Variants in AFAP1L2 observed in about 807,000 individuals in gnomAD.
AFAP1L2 encodes actin filament-associated protein 1-like 2.
AFAP1L2 carries 46 observed loss-of-function variants against 99.3 expected under a neutral mutation model. That is an observed-to-expected ratio of 0.46 (90% CI 0.37 to 0.59). The LOEUF (loss-of-function observed/expected upper bound fraction) is 0.59, where lower values mean the gene tolerates loss of function less well. Ranked by LOEUF, AFAP1L2 falls within the 20% of genes least tolerant of loss-of-function variation. The probability of loss-of-function intolerance (pLI) is 0.00; values close to 1 mark genes in which losing one functional copy is unlikely to be tolerated. For synonymous variants in AFAP1L2, 397 were observed against 419.1 expected (o/e 0.95, Z 0.64); for missense variants, 959 against 1,034.9 (o/e 0.93, Z 1.01).
At chr10:114,320,816 G>A (rs530792231) in intron 5 of AFAP1L2, among the ~76,000 whole-genome samples, 3 of 152,244 alleles carry the variant, frequency 2.0e-5, no homozygotes, top group Non-Finnish European at 4.4e-5. Context: ...ACACCTGGGA[G>A]CAGGGAAGTG....
At chr10:114,382,269 C>T (rs527914511) in intron 1 of AFAP1L2, among the ~76,000 whole-genome samples, 11 of 7,708 alleles carry the variant, frequency 1.4e-3, no homozygotes, top group African/African-American at 1.8e-3. Context: ...AATGTAAATG[C>T]CCAGTGATTT....
chr10:114,282,126 C>T, the AFAP1L2 span, among the ~76,000 whole-genome samples: 1 of 150,446 alleles, frequency 6.6e-6, no homozygotes, highest in East Asian at 2.0e-4. Context: ...TCTGCCTCAG[C>T]CTGCTAAGCT....
At chr10:114,304,619 T>C in intron 11 of AFAP1L2, 100 bp downstream of exon 11, 1 of 1,164,412 alleles carries the variant, frequency 8.6e-7, no homozygotes, top group Non-Finnish European at 1.2e-6. Flanking sequence ...GCGGGGACAT[T>C]GATTCTCCCT....
intron 11 of AFAP1L2, among the ~76,000 whole-genome samples, chr10:114,304,338 A>AT (rs2134139818): frequency 6.6e-6 from 1 of 152,156 alleles, no homozygotes; most frequent in South Asian, 2.1e-4. Context: ...CACAAAGCGA[A>AT]TTTTTTCCCC....
chr10:114,404,960 G>A (rs2058580537), upstream of AFAP1L2, among the ~76,000 whole-genome samples: 1 of 152,184 alleles, frequency 6.6e-6, no homozygotes, highest in Non-Finnish European at 1.5e-5. Flanking sequence ...CCTCGCGCTT[G>A]GCTCCCGAGC....
intron 1 of AFAP1L2, among the ~76,000 whole-genome samples, chr10:114,361,113 AC>A (rs2052342847): frequency 6.6e-6 from 1 of 152,110 alleles, no homozygotes; most frequent in African/African-American, 2.4e-5. Context: ...TTATAATTAA[AC>A]CATCAAATCT....
At chr10:114,333,896 T>C (rs776515790) in intron 2 of AFAP1L2, among the ~76,000 whole-genome samples, 60 of 152,302 alleles carry the variant, frequency 3.9e-4, no homozygotes, top group Non-Finnish European at 8.2e-4. Context: ...CTGGGCTTCC[T>C]AGCATTTCAT....
At chr10:114,330,957 G>A (rs1393655612) in intron 4 of AFAP1L2, among the ~76,000 whole-genome samples, 1 of 152,150 alleles carries the variant, frequency 6.6e-6, no homozygotes, top group African/African-American at 2.4e-5. Context: ...AGCCAGGTCA[G>A]CAGGAGTCTC....
intron 11 of AFAP1L2, among the ~76,000 whole-genome samples, chr10:114,303,603 G>A (rs990042003): frequency 5.9e-5 from 9 of 152,308 alleles, no homozygotes; most frequent in East Asian, 1.9e-4. Context: ...CATCATGCCC[G>A]GCCCCCACTT....
At chr10:114,326,183 C>A in intron 4 of AFAP1L2, 1 of 517,534 alleles carries the variant, frequency 1.9e-6, no homozygotes, top group Non-Finnish European at 2.9e-6. Context: ...GTCTCCTAAG[C>A]TTCTGTTGAG....
intron 1 of AFAP1L2, among the ~76,000 whole-genome samples, chr10:114,371,737 C>A (rs2137019141): frequency 6.6e-6 from 1 of 151,904 alleles, no homozygotes; most frequent in Non-Finnish European, 1.5e-5. Context: ...TGCAGCAAAC[C>A]ACCATGGCAC....
chr10:114,341,767 G>A (rs924776896), intron 1 of AFAP1L2, among the ~76,000 whole-genome samples: 2 of 152,044 alleles, frequency 1.3e-5, no homozygotes, highest in Admixed American at 6.6e-5. Context: ...TCCTTCTCTG[G>A]TCTTCACACA....
At chr10:114,304,967 CTGCAGGAGGGGACGCAGA>C (rs1420798704) in intron 10 of AFAP1L2, 37 bp from the exon 11 acceptor site, 5 of 1,384,822 alleles carry the variant, frequency 3.6e-6, no homozygotes, top group Non-Finnish European at 2.9e-6. Context: ...GGGGACAGGG[CTGCAGGAGGGGACGCAGA>C]TGCAGGAGGG....
intron 1 of AFAP1L2, among the ~76,000 whole-genome samples, chr10:114,347,591 G>A (rs2049798329): frequency 6.6e-6 from 1 of 152,022 alleles, no homozygotes; most frequent in African/African-American, 2.4e-5. Context: ...GTCTCCTTGA[G>A]TAGCTGGGAC....
chr10:114,319,422 T>C (rs2044722935), intron 5 of AFAP1L2: 1 of 561,050 alleles, frequency 1.8e-6, no homozygotes, highest in South Asian at 1.9e-5. Context: ...CTCTGGAAGA[T>C]CGCACGTGGC....
chr10:114,290,251 C>G (rs779281358), downstream of AFAP1L2: 1 of 1,550,394 alleles, frequency 6.4e-7, no homozygotes, highest in African/African-American at 1.4e-5. Context: ...AGCCAAGCAG[C>G]CAGTCAACCT....
Position 114,351,229 on chromosome 10 carries a change from C to A in AFAP1L2, c.17-10498G>T, listed in dbSNP as rs189875914. ...GAAATTTTCACTCCTTCTTTATAGC[C>A]TCCCCTGTTCCTCAACACAGAAGAG... On this transcript the variant is annotated intron_variant, in intron 1 of 18. Coordinates refer to ENST00000304129, the MANE Select transcript of AFAP1L2 (RefSeq NM_001001936.3). Among the ~76,000 whole-genome samples the A allele has an allele frequency of 6.6e-4, 101 of 152,236 alleles. 3 individuals carry two copies. In the East Asian group the frequency reaches 0.019, roughly 28 times the overall value.
chr10:114,325,681 A>C (rs1039829438), intron 4 of AFAP1L2, among the ~76,000 whole-genome samples: 1 of 152,208 alleles, frequency 6.6e-6, no homozygotes, highest in African/African-American at 2.4e-5. Context: ...CTAGCAGACA[A>C]TGAGCGTGCC....
At chr10:114,310,028 A>G (rs1263562523) in intron 8 of AFAP1L2, among the ~76,000 whole-genome samples, 1 of 152,042 alleles carries the variant, frequency 6.6e-6, no homozygotes, top group African/African-American at 2.4e-5. Context: ...CCTGGGTTCA[A>G]GTGATTCTCC....
Sources: allele counts gnomAD v4.1 joint callset (sites outside exome capture counted in the v4.1 genomes callset), GRCh38; gene constraint gnomAD v4.1.1; transcripts MANE v1.5; gene names NCBI Gene and HGNC (gene_info 2026-07-23, HGNC 2026-07-21).